SULF1: variants seen among roughly 807,000 people sequenced by gnomAD.
The protein encoded by SULF1 is extracellular sulfatase Sulf-1.
In SULF1, 46 loss-of-function variants were observed where a neutral mutation model predicts 110.5. That is an observed-to-expected ratio of 0.42 (90% CI 0.33 to 0.53). The LOEUF (loss-of-function observed/expected upper bound fraction) is 0.53, where lower values mean the gene tolerates loss of function less well. Ranked by LOEUF, SULF1 falls within the 20% of genes least tolerant of loss-of-function variation. The pLI is 0.12. For missense variants in SULF1, 941 were observed against 1,094.2 expected (o/e 0.86, Z 1.98); for synonymous variants, 371 against 387.1 (o/e 0.96, Z 0.49).
intron 5 of SULF1, among the ~76,000 whole-genome samples, chr8:69,568,785 C>A (rs1244040688): frequency 1.3e-5 from 2 of 152,104 alleles, no homozygotes; most frequent in Non-Finnish European, 2.9e-5. Context: ...AAGTGATCAA[C>A]ATAAAGTTCA....
In SULF1 at chr8:69,658,484, CCTT is replaced by C. The variant is rs1182100409; in HGVS notation, c.2586-15_2586-13del. ...AAGCCTTTTCTCCACTAATGATTCA[CCTT>C]CTTCTCTCTTTTCACAGAGGACAGT... On this transcript the variant is annotated intron_variant, in intron 22 of 22. Coordinates refer to ENST00000402687, the MANE Select transcript of SULF1 (RefSeq NM_001128205.2). 7 of 1,555,462 alleles carry C rather than the reference CCTT, an allele frequency of 4.5e-6. 1 individual carries two copies. In the East Asian group the frequency reaches 9.0e-5, roughly 20 times the overall value.
chr8:69,494,552 G>A (rs1434970707), intron 1 of SULF1, among the ~76,000 whole-genome samples: 1 of 152,014 alleles, frequency 6.6e-6, no homozygotes, highest in African/African-American at 2.4e-5. Flanking sequence ...GATTCTAGTT[G>A]CTTTTACCCC....
chr8:69,554,978 C>CAAAAAA lies in SULF1; in HGVS notation c.-133-8546_-133-8541dup, dbSNP rs141225696. Among the ~76,000 whole-genome samples, 27 of 63,488 alleles carry CAAAAAA rather than the reference C, an allele frequency of 4.3e-4. 6 individuals are homozygous for CAAAAAA. Among genetic ancestry groups the CAAAAAA allele is most frequent in the African/African-American group, 1.8e-3 (18 of 10,064 alleles). 41.7% of individuals were successfully genotyped at this position (63,488 alleles called of 152,430 possible). ...TGGGCGACAGGGCGAGATTCCATCT[C>CAAAAAA]AAAAAAAAAAAAAAAAAAAACAAAA... On this transcript the variant is annotated intron_variant, in intron 3 of 22. Coordinates refer to ENST00000402687, the MANE Select transcript of SULF1 (RefSeq NM_001128205.2).
intron 19 of SULF1, among the ~76,000 whole-genome samples, chr8:69,630,688 C>T (rs4738004): frequency 0.029 from 4,470 of 152,008 alleles, 397 homozygotes; most frequent in East Asian, 0.19. Flanking sequence ...TAACTGGGGA[C>T]GCAACATCTA....
At chr8:69,591,015 A>T (rs1289020307) in intron 8 of SULF1, among the ~76,000 whole-genome samples, 1 of 152,166 alleles carries the variant, frequency 6.6e-6, no homozygotes, top group African/African-American at 2.4e-5. Context: ...GTCTAAGGTG[A>T]CTTCCTATAA....
intron 3 of SULF1, among the ~76,000 whole-genome samples, chr8:69,551,539 C>T (rs1488130296): frequency 2.6e-5 from 4 of 152,190 alleles, no homozygotes; most frequent in Admixed American, 6.5e-5. Context: ...TTCTTGGCAA[C>T]TCTGGGAAGG....
At chr8:69,484,785 G>A (rs1352390401) in intron 1 of SULF1, among the ~76,000 whole-genome samples, 1 of 151,054 alleles carries the variant, frequency 6.6e-6, no homozygotes, top group African/African-American at 2.5e-5. Context: ...CAGGAAAGGA[G>A]GAGAACCACC....
intron 3 of SULF1, among the ~76,000 whole-genome samples, chr8:69,558,379 C>T (rs1283952719): frequency 4.6e-5 from 7 of 152,168 alleles, no homozygotes; most frequent in Non-Finnish European, 1.0e-4. Flanking sequence ...TATGGTGTCC[C>T]TTTTTTCTCT....
At chr8:69,543,947 A>G (rs190419897) in intron 3 of SULF1, among the ~76,000 whole-genome samples, 70 of 152,346 alleles carry the variant, frequency 4.6e-4, no homozygotes, top group African/African-American at 1.5e-3. Flanking sequence ...AGTGTGCTGT[A>G]TATAATCAAT....
intron 3 of SULF1, among the ~76,000 whole-genome samples, chr8:69,539,347 A>G (rs1813701464): frequency 6.6e-6 from 1 of 152,172 alleles, no homozygotes; most frequent in South Asian, 2.1e-4. Context: ...AAGTCTTTTA[A>G]AGATGAAAGA....
chr8:69,538,288 T>TTTTTTTTTTTTTTA (rs1563510390), intron 3 of SULF1, among the ~76,000 whole-genome samples: 1 of 151,236 alleles, frequency 6.6e-6, no homozygotes, highest in Non-Finnish European at 1.5e-5. Context: ...TTTTTTTTTT[T>TTTTTTTTTTTTTTA]GAGCCATTAA....
intron 5 of SULF1, among the ~76,000 whole-genome samples, chr8:69,574,873 G>A (rs905427342): frequency 1.1e-4 from 16 of 152,160 alleles, no homozygotes; most frequent in Admixed American, 6.6e-4. Context: ...TCATGTGAAC[G>A]GTAAAAGCTA....
At chr8:69,575,434 A>G (rs1267698700) in intron 5 of SULF1, among the ~76,000 whole-genome samples, 2 of 152,182 alleles carry the variant, frequency 1.3e-5, no homozygotes, top group Admixed American at 1.3e-4. Context: ...GAGGATACCA[A>G]CTTGCATTGA....
At chr8:69,615,089 A>C (rs1187070140) in intron 13 of SULF1, among the ~76,000 whole-genome samples, 2 of 152,200 alleles carry the variant, frequency 1.3e-5, no homozygotes, top group East Asian at 3.8e-4. Flanking sequence ...CTGCAAGGGC[A>C]CTTGTTGAAC....
intron 5 of SULF1, among the ~76,000 whole-genome samples, chr8:69,570,970 G>A (rs77321815): frequency 0.014 from 2,187 of 152,310 alleles, 57 homozygotes; most frequent in African/African-American, 0.05. Flanking sequence ...ACATAATCAC[G>A]GTTGCTTCAG....
At position 69,508,677 on chromosome 8, in the gene SULF1, A is replaced by G. The variant is rs561728681; in HGVS notation, c.-134+6709A>G. ...TCACCATAAAATTAATTTTAAAATT[A>G]CTAGGTTTTAAATTTTTACCCGAAA... is the stretch of plus-strand genomic sequence containing the variant. On this transcript the variant is annotated intron_variant, in intron 3 of 22. Coordinates refer to ENST00000402687, the MANE Select transcript of SULF1 (RefSeq NM_001128205.2). 3.3e-4 allele frequency among the ~76,000 whole-genome samples: 51 copies of G among 152,328 alleles called. 1 individual carries two copies. The South Asian group carries it at 3.7e-3, about 11-fold the overall frequency.
At chr8:69,648,970 G>A (rs1258313662) in intron 22 of SULF1, among the ~76,000 whole-genome samples, 1 of 152,156 alleles carries the variant, frequency 6.6e-6, no homozygotes, top group Non-Finnish European at 1.5e-5. Context: ...TTCCGGGATT[G>A]GGGAATAATT....
At chr8:69,643,426 A>AC (rs1811641930) in intron 22 of SULF1, among the ~76,000 whole-genome samples, 1 of 152,222 alleles carries the variant, frequency 6.6e-6, no homozygotes, top group African/African-American at 2.4e-5. Context: ...AAAAAAAAAA[A>AC]AACAAGTTTT....
At chr8:69,538,742 A>G (rs1586342563) in intron 3 of SULF1, among the ~76,000 whole-genome samples, 1 of 151,748 alleles carries the variant, frequency 6.6e-6, no homozygotes. Context: ...ACCCAGGCTG[A>G]AGTGCAATGG....
Sources: allele counts gnomAD v4.1 joint callset (sites outside exome capture counted in the v4.1 genomes callset), GRCh38; gene constraint gnomAD v4.1.1; transcripts MANE v1.5; gene names NCBI Gene and HGNC (gene_info 2026-07-23, HGNC 2026-07-21).